RASGEF1A: variants seen among roughly 807,000 people sequenced by gnomAD.
RASGEF1A encodes the protein RasGEF domain family member 1A, also known as ras-GEF domain-containing family member 1A.
Under a neutral mutation model 56.4 loss-of-function variants are expected in RASGEF1A, and 18 were observed. The ratio of observed to expected loss-of-function variants is 0.32; its 90% CI spans 0.22 to 0.47. The LOEUF is 0.47. RASGEF1A is among the 20% of genes least tolerant of loss of function. RASGEF1A has a pLI of 1.00. For missense variants in RASGEF1A, 422 were observed against 627.1 expected (o/e 0.67, Z 3.49); for synonymous variants, 245 against 242.6 (o/e 1.01, Z -0.09).
chr10:43,208,893 C>A, intron 1 of RASGEF1A: 1 of 985,660 alleles, frequency 1.0e-6, no homozygotes, highest in South Asian at 4.7e-5. Flanking sequence ...CTGCAGCAGG[C>A]CCACTCCTTG....
At chr10:43,226,145 G>C (rs1246851027) in intron 1 of RASGEF1A, among the ~76,000 whole-genome samples, 1 of 152,240 alleles carries the variant, frequency 6.6e-6, no homozygotes, top group Admixed American at 6.5e-5. Flanking sequence ...GCAGGGGCCA[G>C]AAGAAGAAAC....
At chr10:43,203,211 A>C in intron 3 of RASGEF1A, 87 bp downstream of exon 3, 23 of 1,144,080 alleles carry the variant, frequency 2.0e-5, no homozygotes, top group East Asian at 5.0e-5. Context: ...CTCTACCGTG[A>C]ACCCCGCCCC....
At chr10:43,245,528 C>A (rs1270541874) in intron 1 of RASGEF1A, among the ~76,000 whole-genome samples, 1 of 152,144 alleles carries the variant, frequency 6.6e-6, no homozygotes, top group Non-Finnish European at 1.5e-5. Flanking sequence ...CAAAACTCCT[C>A]AACAAAATAT....
At chr10:43,230,174 G>T (rs1453352054) in intron 1 of RASGEF1A, among the ~76,000 whole-genome samples, 1 of 152,250 alleles carries the variant, frequency 6.6e-6, no homozygotes, top group Non-Finnish European at 1.5e-5. Context: ...CGGAACTACA[G>T]CAGGTGTTCT....
chr10:43,252,852 T>C (rs569954586), intron 1 of RASGEF1A, among the ~76,000 whole-genome samples: 1 of 152,054 alleles, frequency 6.6e-6, no homozygotes, highest in African/African-American at 2.4e-5. Context: ...CTGTGCCTCC[T>C]GCTCACCCTC....
intron 1 of RASGEF1A, among the ~76,000 whole-genome samples, chr10:43,244,257 G>C (rs1024842257): frequency 2.2e-5 from 3 of 138,536 alleles, no homozygotes; most frequent in African/African-American, 7.7e-5. Context: ...GCCGAAGGCC[G>C]CAGGGACCTC....
At chr10:43,235,721 C>T (rs1008864286) in intron 1 of RASGEF1A, among the ~76,000 whole-genome samples, 2 of 152,218 alleles carry the variant, frequency 1.3e-5, no homozygotes, top group African/African-American at 4.8e-5. Flanking sequence ...ACACTGAGTG[C>T]CAGCCTGCCA....
At position 43,259,497 on chromosome 10, in the gene RASGEF1A, C is replaced by T. The variant is rs145394227; in HGVS notation, c.-7+7348G>A. 1.3e-4 allele frequency among the ~76,000 whole-genome samples: 20 copies of T among 152,292 alleles called. No individual in the cohort carries two copies. The East Asian group carries it at 2.9e-3, about 22-fold the overall frequency. On this transcript the variant is annotated intron_variant, in intron 1 of 12. Coordinates refer to ENST00000395810, the MANE Select transcript of RASGEF1A (RefSeq NM_145313.4). ...CTAGCTGTGGGGTCAGTTGACACTC[C>T]GGAGTCCCCATGGAATCAGGCTAGA...
At chr10:43,266,435 C>A (rs552724135) in intron 1 of RASGEF1A, among the ~76,000 whole-genome samples, 3 of 152,046 alleles carry the variant, frequency 2.0e-5, no homozygotes, top group African/African-American at 7.2e-5. Flanking sequence ...CTTCCAACTG[C>A]GCAGCCCTGA....
intron 1 of RASGEF1A, among the ~76,000 whole-genome samples, chr10:43,235,832 G>A (rs1444324090): frequency 2.0e-5 from 3 of 148,878 alleles, no homozygotes; most frequent in African/African-American, 7.5e-5. Flanking sequence ...ACCCAACAAG[G>A]GAGGAGGCTG....
chr10:43,234,791 C>G (rs76694958), intron 1 of RASGEF1A, among the ~76,000 whole-genome samples: 2 of 152,212 alleles, frequency 1.3e-5, no homozygotes, highest in Admixed American at 1.3e-4. Flanking sequence ...TGGCAAAACA[C>G]GAAGCAAAAT....
At chr10:43,232,619 T>A (rs1374288356) in intron 1 of RASGEF1A, among the ~76,000 whole-genome samples, 1 of 151,792 alleles carries the variant, frequency 6.6e-6, no homozygotes, top group African/African-American at 2.4e-5. Flanking sequence ...CTCAAGTAGC[T>A]GGGATTACAG....
At chr10:43,230,113 G>T (rs1158000646) in intron 1 of RASGEF1A, among the ~76,000 whole-genome samples, 1 of 152,166 alleles carries the variant, frequency 6.6e-6, no homozygotes, top group African/African-American at 2.4e-5. Flanking sequence ...GGCGCGGGAA[G>T]GGGATGCCTC....
rs112627232 is a variant in RASGEF1A, at chr10:43,206,759, C to T, written c.-6-637G>A. The T allele has an allele frequency of 1.1e-3, 1,088 of 986,348 alleles. 10 individuals are homozygous for T. In the African/African-American group the frequency reaches 0.017, roughly 16 times the overall value. The allele number at this position is 986,348 out of a possible 1,614,324, so 61.1% of individuals were successfully genotyped here. A position where few individuals can be genotyped will look rare whatever the true frequency, so the allele number is the denominator to read the frequency against. On this transcript the variant is annotated intron_variant, in intron 1 of 12. Coordinates refer to ENST00000395810, the MANE Select transcript of RASGEF1A (RefSeq NM_145313.4). ...CTCAGGCAGGCGGTAGCAGGAGTGG[C>T]GAGCAGGGCCACTCCACATGGTGAA... is the stretch of plus-strand genomic sequence containing the variant.
chr10:43,255,309 G>A lies in RASGEF1A; in HGVS notation c.-7+11536C>T, dbSNP rs548284827. 5.9e-5 allele frequency among the ~76,000 whole-genome samples: 9 copies of A among 152,144 alleles called. No homozygotes were observed. The East Asian group carries it at 1.7e-3, about 29-fold the overall frequency. ...CCGCCTAGGCTGCCCACTCAGCATCGCTCCTTCCTGCCCCACCCACTGCCA... is the reference window on the plus strand; with the variant it reads ...CCGCCTAGGCTGCCCACTCAGCATCACTCCTTCCTGCCCCACCCACTGCCA... On this transcript the variant is annotated intron_variant, in intron 1 of 12. Transcript: ENST00000395810.
intron 1 of RASGEF1A, among the ~76,000 whole-genome samples, chr10:43,243,744 C>T (rs1273534398): frequency 1.3e-5 from 2 of 151,208 alleles, no homozygotes; most frequent in Non-Finnish European, 3.0e-5. Context: ...TGCCCGGCCG[C>T]CCCATCTGGG....
chr10:43,261,796 C>G (rs899215445), intron 1 of RASGEF1A, among the ~76,000 whole-genome samples: 7 of 152,238 alleles, frequency 4.6e-5, no homozygotes, highest in African/African-American at 1.7e-4. Flanking sequence ...TACCTTCATC[C>G]AGACCACAGC....
rs112953174 is a variant in RASGEF1A at position 43,246,847 on chromosome 10, C to T, written c.-7+19998G>A. On this transcript the variant is annotated intron_variant, in intron 1 of 12. Coordinates refer to ENST00000395810, the MANE Select transcript of RASGEF1A (RefSeq NM_145313.4). ...AGAAAACAAGTGTAAATCTTTGTGA[C>T]CTTGCATTAGGCAATAGTTTCGTAA... 4.3e-3 allele frequency among the ~76,000 whole-genome samples: 655 copies of T among 152,304 alleles called. 16 individuals are homozygous for T. The highest frequency in any genetic ancestry group is 2.1e-3 in the Non-Finnish European group (142 of 68,024).
intron 1 of RASGEF1A, among the ~76,000 whole-genome samples, chr10:43,257,790 G>T (rs1836449554): frequency 6.6e-6 from 1 of 152,212 alleles, no homozygotes; most frequent in African/African-American, 2.4e-5. Flanking sequence ...TGAGGCCAGG[G>T]GTTCTCCCCT....
Sources: gnomAD v4.1 joint callset for allele counts (sites outside exome capture counted in the v4.1 genomes callset) on GRCh38, gnomAD v4.1.1 for gene constraint, MANE v1.5 for transcripts, NCBI Gene and HGNC (gene_info 2026-07-23, HGNC 2026-07-21) for gene names.